The following DNM1L variants were observed in gnomAD, a reference collection of about 807,000 sequenced individuals.
DNM1L encodes dynamin 1L.
Under a neutral mutation model 92.8 loss-of-function variants are expected in DNM1L, and 33 were observed. That is an observed-to-expected ratio of 0.36 (90% confidence interval 0.27 to 0.48). DNM1L has a LOEUF of 0.48. DNM1L is among the 20% of genes least tolerant of loss of function. DNM1L has a pLI of 0.99. For missense variants in DNM1L, 485 were observed against 888.8 expected (o/e 0.55, Z 5.78); for synonymous variants, 284 against 305.0 (o/e 0.93, Z 0.72).
intron 7 of DNM1L, among the ~76,000 whole-genome samples, 181 bp from the exon 8 acceptor site, chr12:32,720,483 T>C (rs1953753828): frequency 2.0e-5 from 3 of 152,228 alleles, no homozygotes; most frequent in Admixed American, 2.0e-4. Flanking sequence ...AGTTAGTTTT[T>C]GTGAGCCTCA....
chr12:32,705,209 G>T (rs900306056), intron 2 of DNM1L, among the ~76,000 whole-genome samples: 2 of 151,940 alleles, frequency 1.3e-5, no homozygotes, highest in East Asian at 3.9e-4. Context: ...TGCCATGTTG[G>T]CCAGGCTGGT....
intron 14 of DNM1L, 164 bp from the exon 15 acceptor site, chr12:32,737,701 A>G (rs2094007683): frequency 4.7e-6 from 3 of 632,216 alleles, no homozygotes; most frequent in South Asian, 1.8e-5. Flanking sequence ...AAAGGTGACA[A>G]TGGTGAAGGA....
chr12:32,710,883 T>C lies in DNM1L; in HGVS notation c.370-46T>C, dbSNP rs199569877. The C allele has an allele frequency of 1.6e-4, 226 of 1,399,492 alleles. 1 individual carries two copies. The African/African-American group carries it at 2.9e-3, about 18-fold the overall frequency. 86.7% of individuals were successfully genotyped at this position (1,399,492 alleles called of 1,614,324 possible). On this transcript the variant is annotated intron_variant, in intron 4 of 19. Coordinates refer to ENST00000549701, the MANE Select transcript of DNM1L (RefSeq NM_012062.5). The stretch of plus-strand genomic sequence containing the variant: ...ATGTACTTGAAATGAAGTTTATTAC[T>C]TCATAGTTCATTGAAATTTTAATAT...
At chr12:32,682,397 G>A (rs1197541515) in intron 1 of DNM1L, among the ~76,000 whole-genome samples, 6 of 152,118 alleles carry the variant, frequency 3.9e-5, no homozygotes, top group Non-Finnish European at 5.9e-5. Flanking sequence ...CTCCCAAAGT[G>A]CTGGGATTAC....
In DNM1L at chr12:32,707,409, A is replaced by G; in HGVS notation, c.293A>G (p.Asn98Ser). 1.9e-6 allele frequency: 3 copies of G among 1,604,498 alleles called. No individual in the cohort carries two copies. Among genetic ancestry groups the G allele is most frequent in the Non-Finnish European group, 2.6e-6 (3 of 1,175,604 alleles). Reference sequence around the variant, plus strand: ...TGGGGTAAATTTCTTCACACCAAAAATAAGGTAATCACACATGCATATAAT... The same window carrying G: ...TGGGGTAAATTTCTTCACACCAAAAGTAAGGTAATCACACATGCATATAAT... The part of the protein sequence containing the change: ...EEWGKFLHTK[N>S]KLYTDFDEIR... Residue 98 changes from asparagine to serine, a missense_variant, in exon 3 of 20, where the codon AAT becomes AGT. Asn to Ser is a conservative substitution (Grantham distance 46). Transcript: ENST00000549701.
chr12:32,743,303 A>AAT, intron 19 of DNM1L, 51 bp from the exon 20 acceptor site: 1 of 1,531,116 alleles, frequency 6.5e-7, no homozygotes, highest in Non-Finnish European at 9.0e-7. Flanking sequence ...AATTCAGATT[A>AAT]ATTTCATAAC....
intron 1 of DNM1L, among the ~76,000 whole-genome samples, chr12:32,695,217 G>GCTATT (rs1450075424): frequency 1.3e-5 from 2 of 152,156 alleles, no homozygotes; most frequent in African/African-American, 4.8e-5. Context: ...AGGCAGAGTA[G>GCTATT]CTATTCAGAG....
At chr12:32,687,974 G>A (rs989791339) in intron 1 of DNM1L, among the ~76,000 whole-genome samples, 1 of 152,114 alleles carries the variant, frequency 6.6e-6, no homozygotes, top group Non-Finnish European at 1.5e-5. Flanking sequence ...GCCCAGGCTG[G>A]AGTGCAGTGG....
In DNM1L at chr12:32,740,194, T is replaced by C. The variant is rs760612084; in HGVS notation, c.1838T>C (p.Met613Thr). 4.3e-6 allele frequency: 7 copies of C among 1,614,072 alleles called. No individual in the cohort carries two copies. In the South Asian group the frequency reaches 4.4e-5, roughly 10 times the overall value. Residue 613 changes from methionine to threonine, a missense_variant, in exon 17 of 20, where the codon ATG (methionine) becomes ACG (threonine). By Grantham distance (81) the Met-to-Thr change is moderately conservative. Around this residue, in one of 11 missense-constraint regions of DNM1L, gnomAD observed 133 missense variants for 210.9 expected, o/e 0.63. Coordinates refer to ENST00000549701, the MANE Select transcript of DNM1L (RefSeq NM_012062.5). ...AEEKSKPIPIMPASPQKGHAV... is the reference protein window; with the variant it reads ...AEEKSKPIPITPASPQKGHAV... ...GAAAAATCAAAACCCATTCCAATTATGCCAGCCAGTCCACAAAAAGGTCAT... is the reference window on the plus strand; with the variant it reads ...GAAAAATCAAAACCCATTCCAATTACGCCAGCCAGTCCACAAAAAGGTCAT...
intron 7 of DNM1L, 134 bp downstream of exon 7, chr12:32,718,897 A>G: frequency 1.6e-6 from 2 of 1,275,442 alleles, no homozygotes; most frequent in East Asian, 2.4e-5. Flanking sequence ...TCTCCCTTTT[A>G]TTATGATCTT....
chr12:32,679,897 G>A (rs1437600832), intron 1 of DNM1L: 3 of 987,678 alleles, frequency 3.0e-6, no homozygotes, highest in Admixed American at 6.1e-5. Context: ...GTTGGCTTTC[G>A]TGAGACGGGT....
chr12:32,686,310 G>T (rs528794015), intron 1 of DNM1L, among the ~76,000 whole-genome samples: 1 of 152,172 alleles, frequency 6.6e-6, no homozygotes, highest in Admixed American at 6.5e-5. Context: ...ACCTCCCAAA[G>T]TGCTGGGATT....
chr12:32,716,151 T>C lies in DNM1L; in HGVS notation c.620-2492T>C, dbSNP rs563128498. ...GAAAGAAGCCAGACTCAAAAGGTTA[T>C]GTACTATCTGATTTCGTTTATATAA... On this transcript the variant is annotated intron_variant, in intron 6 of 19. Transcript: ENST00000549701. Among the ~76,000 whole-genome samples the C allele has an allele frequency of 2.0e-5, 3 of 152,072 alleles. No individual in the cohort carries two copies. The East Asian group carries it at 5.8e-4, about 29-fold the overall frequency.
intron 6 of DNM1L, among the ~76,000 whole-genome samples, chr12:32,714,258 G>A (rs1953259703): frequency 6.6e-6 from 1 of 150,954 alleles, no homozygotes; most frequent in South Asian, 2.1e-4. Flanking sequence ...CATAAGCAGG[G>A]TCACTTTAAC....
At chr12:32,719,341 C>T (rs924483574) in intron 7 of DNM1L, among the ~76,000 whole-genome samples, 1 of 152,120 alleles carries the variant, frequency 6.6e-6, no homozygotes, top group East Asian at 1.9e-4. Flanking sequence ...GAATTCTTGC[C>T]TATCATGTTA....
At position 32,722,407 on chromosome 12, in the gene DNM1L, TCCTTTCTAA is replaced by T; in HGVS notation, c.873-14_873-6del. The T allele has an allele frequency of 6.2e-7, 1 of 1,606,220 alleles. No individual in the cohort carries two copies. The highest frequency in any genetic ancestry group is 8.5e-7 in the Non-Finnish European group (1 of 1,175,818). On this transcript the variant is annotated splice_polypyrimidine_tract_variant and intron_variant, in intron 8 of 19. Coordinates refer to ENST00000549701, the MANE Select transcript of DNM1L (RefSeq NM_012062.5). Reference sequence around the variant, plus strand: ...ATACACAATTTTACTTTTAAATCCTTCCTTTCTAACCTTTTTTAGGTTACTGATGCATCA... The same window carrying T: ...ATACACAATTTTACTTTTAAATCCTTCCTTTTTTAGGTTACTGATGCATCA...
At chr12:32,679,536 C>G (rs1951721181) in intron 1 of DNM1L, 71 bp downstream of exon 1, 2 of 1,458,556 alleles carry the variant, frequency 1.4e-6, no homozygotes, top group Non-Finnish European at 1.9e-6. Context: ...GCGGCAGTGC[C>G]CACTCCCGCG....
At chr12:32,727,371 C>A in intron 9 of DNM1L, 1 of 779,660 alleles carries the variant, frequency 1.3e-6, no homozygotes, top group Non-Finnish European at 2.4e-6. Flanking sequence ...CAATGTCTGC[C>A]ATGTTGTAAG....
chr12:32,738,545 ATT>A (rs1955065921), intron 16 of DNM1L, among the ~76,000 whole-genome samples: 1 of 152,206 alleles, frequency 6.6e-6, no homozygotes, highest in South Asian at 2.1e-4. Context: ...TTGGTAGGAA[ATT>A]CAGAGATTTC....
Sources: gnomAD v4.1 joint callset for allele counts (sites outside exome capture counted in the v4.1 genomes callset) on GRCh38, gnomAD v4.1.1 for gene constraint, gnomAD v4.1.1 regional missense constraint, MANE v1.5 for transcripts, NCBI Gene and HGNC (gene_info 2026-07-23, HGNC 2026-07-21) for gene names.